ARHGAP36: variants seen among roughly 807,000 people sequenced by gnomAD.
ARHGAP36 encodes the protein Rho GTPase activating protein 36.
ARHGAP36 carries 7 observed loss-of-function variants against 32.9 expected under a neutral mutation model. That is an observed-to-expected ratio of 0.21 (90% confidence interval 0.12 to 0.40). The LOEUF is 0.40. ARHGAP36 is among the 10% of genes least tolerant of loss of function. The pLI is 1.00. For synonymous variants in ARHGAP36, 165 were observed against 168.3 expected, an observed-to-expected ratio of 0.98 and a Z score of 0.15; for missense variants, 383 against 442.2, an observed-to-expected ratio of 0.87 and a Z score of 1.20.
intron 4 of ARHGAP36, 32 bp downstream of exon 4, chrX:131,084,001 G>A: frequency 3.4e-6 from 4 of 1,190,110 alleles, no homozygotes; most frequent in Non-Finnish European, 4.5e-6. Flanking sequence ...TCAGGCAGGG[G>A]CCTCTCCTGA....
chrX:131,077,215 T>C (rs2079767012), intron 1 of ARHGAP36, among the ~76,000 whole-genome samples: 1 of 112,503 alleles, frequency 8.9e-6, no homozygotes, highest in Non-Finnish European at 1.9e-5. Context: ...GATACATTAA[T>C]GGGGATGTCT....
chrX:131,082,066 A>G, intron 2 of ARHGAP36, 148 bp downstream of exon 2: 1 of 757,215 alleles, frequency 1.3e-6, no homozygotes, highest in South Asian at 2.8e-5. Flanking sequence ...GGGGAACTGA[A>G]GAAGCCGGAG....
At chrX:131,066,164 A>G (rs1183522505) in intron 1 of ARHGAP36, among the ~76,000 whole-genome samples, 1 of 112,652 alleles carries the variant, frequency 8.9e-6, no homozygotes. Context: ...CTCATGAATA[A>G]TATAAAATGG....
At chrX:131,079,548 G>T (rs866743960) in intron 1 of ARHGAP36, among the ~76,000 whole-genome samples, 25 of 60,636 alleles carry the variant, frequency 4.1e-4, no homozygotes, top group Non-Finnish European at 8.4e-4. Flanking sequence ...TTTGTTTTTT[G>T]TTTTTTGTTT....
At position 131,086,625 on chromosome X, in the gene ARHGAP36, C is replaced by A; in HGVS notation, c.1446C>A (p.Ala482=). ...LSDPVETSAE[A]RAAVLAQSKP... ...ATCCAGTGGAAACCTCTGCTGAAGC[C>A]CGGGCTGCTGTCCTTGCTCAAAGCA... Residue 482 remains alanine (A), a synonymous_variant, in exon 11 of 12, where the codon GCC becomes GCA. Coordinates refer to ENST00000276211, the MANE Select transcript of ARHGAP36 (RefSeq NM_144967.4). 8.3e-7 allele frequency: 1 copy of A among 1,211,904 alleles called. No homozygotes were observed. The highest frequency in any genetic ancestry group is 1.1e-6 in the Non-Finnish European group (1 of 895,552).
chrX:131,071,111 G>C lies in ARHGAP36; in HGVS notation c.-142-10413G>C, dbSNP rs773291482. 3.6e-3 allele frequency among the ~76,000 whole-genome samples: 397 copies of C among 110,836 alleles called. 3 individuals carry two copies. Among genetic ancestry groups the C allele is most frequent in the Non-Finnish European group, 6.2e-3 (327 of 52,884 alleles). ...GATGCTGCAGTGAGGAAGGGGAGCA[G>C]AGCTTCCAGGGCCAGAGGGAGGGGC... On this transcript the variant is annotated intron_variant, in intron 1 of 11. Transcript: ENST00000276211.
At chrX:131,074,756 A>G (rs1244533963) in intron 1 of ARHGAP36, among the ~76,000 whole-genome samples, 1 of 111,720 alleles carries the variant, frequency 9.0e-6, no homozygotes, top group African/African-American at 3.3e-5. Flanking sequence ...GGGCAGGAAC[A>G]AGGGCTTTCT....
At chrX:131,078,800 C>T in intron 1 of ARHGAP36, 2 of 921,209 alleles carry the variant, frequency 2.2e-6, no homozygotes, top group Non-Finnish European at 2.9e-6. Flanking sequence ...CATATAACTG[C>T]TCTTAAGTTT....
chrX:131,058,685 G>A (rs1377123659), intron 1 of ARHGAP36, among the ~76,000 whole-genome samples: 2 of 113,553 alleles, frequency 1.8e-5, no homozygotes, highest in Non-Finnish European at 3.7e-5. Context: ...GGACGAGCGC[G>A]TGGGCGGAGT....
At chrX:131,075,885 A>T (rs62601338) in intron 1 of ARHGAP36, among the ~76,000 whole-genome samples, 1,782 of 111,441 alleles carry the variant, frequency 0.016, 50 homozygotes, top group Admixed American at 0.089. Flanking sequence ...TTCCCAGATC[A>T]TATTCCTCCA....
At chrX:131,084,474 G>T in intron 5 of ARHGAP36, 67 bp downstream of exon 5, 1 of 1,156,196 alleles carries the variant, frequency 8.6e-7, no homozygotes, top group Non-Finnish European at 1.2e-6. Context: ...TTCTGGAAAT[G>T]GGGGGAGAAA....
intron 1 of ARHGAP36, among the ~76,000 whole-genome samples, chrX:131,059,549 A>G (rs779160528): frequency 3.0e-4 from 33 of 111,352 alleles, no homozygotes; most frequent in African/African-American, 1.0e-3. Flanking sequence ...ACCTGTTTTT[A>G]GTTCTTGCCA....
chrX:131,081,409 T>C, intron 1 of ARHGAP36, 115 bp from the exon 2 acceptor site: 1 of 597,688 alleles, frequency 1.7e-6, no homozygotes, highest in Non-Finnish European at 2.2e-6. Flanking sequence ...TTCTCTTTTA[T>C]TTTTTCTTCT....
chrX:131,069,138 G>A (rs960376600), intron 1 of ARHGAP36, among the ~76,000 whole-genome samples: 1 of 112,160 alleles, frequency 8.9e-6, no homozygotes, highest in Non-Finnish European at 1.9e-5. Flanking sequence ...CACAGCCCCT[G>A]TGAGAATCTC....
Position 131,083,963 on chromosome X carries a change from G to A in ARHGAP36, c.549G>A (p.Gly183=). The change falls in exon 4 of 12, where the codon GGG becomes GGA. Residue 183 remains glycine (G), a synonymous_variant. Transcript: ENST00000276211. ...TGCCCCGGGAGTTCACTCGCCGTGG[G>A]CGTCGAGTGAGTTAAACCCTCCAGG... ...PTLPREFTRR[G]RRGAVSVDSL... The A allele has an allele frequency of 6.6e-6, 8 of 1,210,458 alleles. No homozygotes were observed. Among genetic ancestry groups the A allele is most frequent in the Non-Finnish European group, 8.9e-6 (8 of 894,902 alleles).
chrX:131,086,477 T>C, intron 10 of ARHGAP36, 51 bp downstream of exon 10: 1 of 1,201,050 alleles, frequency 8.3e-7, no homozygotes, highest in Non-Finnish European at 1.1e-6. Context: ...CCTCCTCCTA[T>C]GGGGTTTTCC....
At chrX:131,062,933 A>G (rs1279597968) in intron 1 of ARHGAP36, among the ~76,000 whole-genome samples, 2 of 111,854 alleles carry the variant, frequency 1.8e-5, no homozygotes. Context: ...AAAGAGAGAA[A>G]CATTTGCAAA....
At chrX:131,075,693 A>G (rs1330432884) in intron 1 of ARHGAP36, among the ~76,000 whole-genome samples, 1 of 106,993 alleles carries the variant, frequency 9.3e-6, no homozygotes, top group Non-Finnish European at 1.9e-5. Flanking sequence ...TTCCCACGGA[A>G]TGGCACAGAG....
intron 1 of ARHGAP36, among the ~76,000 whole-genome samples, chrX:131,060,248 C>A (rs1423544908): frequency 3.6e-5 from 4 of 112,075 alleles, no homozygotes; most frequent in African/African-American, 1.3e-4. Flanking sequence ...AGTGACCAGG[C>A]CAAAAGAGGC....
Sources: gnomAD v4.1 joint callset for allele counts (sites outside exome capture counted in the v4.1 genomes callset) on GRCh38, gnomAD v4.1.1 for gene constraint, MANE v1.5 for transcripts, NCBI Gene and HGNC (gene_info 2026-07-23, HGNC 2026-07-21) for gene names.